PRMT3: variants seen among roughly 807,000 people sequenced by gnomAD.
PRMT3 encodes protein arginine methyltransferase 3, also known as protein arginine N-methyltransferase 3.
PRMT3 carries 62 observed loss-of-function variants against 71.9 expected under a neutral mutation model. The ratio of observed to expected loss-of-function variants is 0.86; its 90% CI spans 0.70 to 1.07. The LOEUF is 1.07. Ranked by LOEUF, PRMT3 falls within the 50% of genes least tolerant of loss-of-function variation. The pLI, the probability that PRMT3 is intolerant of heterozygous loss-of-function variation, is 0.00. For synonymous variants in PRMT3, 213 were observed against 220.4 expected, an observed-to-expected ratio of 0.97 and a Z score of 0.30; for missense variants, 663 against 643.0, an observed-to-expected ratio of 1.03 and a Z score of -0.34.
intron 9 of PRMT3, 49 bp from the exon 10 acceptor site, chr11:20,426,717 G>C (rs754108482): frequency 2.2e-6 from 3 of 1,360,084 alleles, no homozygotes; most frequent in Non-Finnish European, 2.9e-6. Context: ...AATTTAACTA[G>C]CTTTCAGAAT....
chr11:20,489,357 G>A lies in PRMT3; in HGVS notation c.1348-4562G>A, dbSNP rs945288847. On this transcript the variant is annotated intron_variant, in intron 13 of 15. Transcript: ENST00000331079. ...CTCATTGCCCCAACAAGATATATACGTGAGACAAAGGAGAAATTTCTTCTG... is the reference window on the plus strand; with the variant it reads ...CTCATTGCCCCAACAAGATATATACATGAGACAAAGGAGAAATTTCTTCTG... Among the ~76,000 whole-genome samples the A allele has an allele frequency of 6.6e-5, 10 of 152,028 alleles. No homozygotes were observed. The South Asian group carries it at 1.5e-3, about 22-fold the overall frequency.
chr11:20,504,772 C>T lies in PRMT3; in HGVS notation c.1487-3532C>T, dbSNP rs76204597. On this transcript the variant is annotated intron_variant, in intron 15 of 15. Coordinates refer to ENST00000331079, the MANE Select transcript of PRMT3 (RefSeq NM_005788.4). ...CGAGAGCGACTGAGACTCGGTCTGTCGCCCAGGCTGGAGTGCAGTGGCATG... is the reference window on the plus strand; with the variant it reads ...CGAGAGCGACTGAGACTCGGTCTGTTGCCCAGGCTGGAGTGCAGTGGCATG... Among the ~76,000 whole-genome samples, 155 of 148,740 alleles carry T rather than the reference C, an allele frequency of 1.0e-3. 4 individuals carry two copies. The East Asian group carries it at 0.028, about 27-fold the overall frequency.
At chr11:20,389,224 C>T (rs989858588) in intron 2 of PRMT3, among the ~76,000 whole-genome samples, 6 of 152,224 alleles carry the variant, frequency 3.9e-5, no homozygotes, top group African/African-American at 1.4e-4. Context: ...GATTGATCCT[C>T]ACAGTGTCTG....
chr11:20,405,774 A>G (rs909273365), intron 8 of PRMT3: 1 of 152,192 alleles, frequency 6.6e-6, no homozygotes, highest in East Asian at 1.9e-4. Flanking sequence ...ATTCCTTATT[A>G]TCTTTTTACC....
chr11:20,492,587 A>C (rs1019412554), intron 13 of PRMT3, among the ~76,000 whole-genome samples: 1 of 152,160 alleles, frequency 6.6e-6, no homozygotes, highest in African/African-American at 2.4e-5. Flanking sequence ...TAGCTTTACC[A>C]TGATTTTTCA....
At chr11:20,499,640 A>T (rs922381251) in intron 15 of PRMT3, among the ~76,000 whole-genome samples, 1 of 152,096 alleles carries the variant, frequency 6.6e-6, no homozygotes, top group African/African-American at 2.4e-5. Flanking sequence ...AAAAAATTAA[A>T]TTTTTTTAAA....
chr11:20,461,671 A>G (rs1850386021), intron 11 of PRMT3, among the ~76,000 whole-genome samples: 1 of 152,194 alleles, frequency 6.6e-6, no homozygotes, highest in Non-Finnish European at 1.5e-5. Flanking sequence ...CTTTTAAGTT[A>G]GCATACTTTA....
chr11:20,401,376 T>A (rs1270485183), intron 7 of PRMT3, among the ~76,000 whole-genome samples: 1 of 152,212 alleles, frequency 6.6e-6, no homozygotes, highest in Non-Finnish European at 1.5e-5. Context: ...AATTAGTTAA[T>A]ATATATACAT....
intron 2 of PRMT3, among the ~76,000 whole-genome samples, chr11:20,389,108 A>G (rs1848658632): frequency 6.6e-6 from 1 of 152,184 alleles, no homozygotes; most frequent in South Asian, 2.1e-4. Flanking sequence ...TTTGTGGAAA[A>G]CTAATGCTCC....
intron 5 of PRMT3, 127 bp downstream of exon 5, chr11:20,393,126 A>C: frequency 3.0e-6 from 2 of 667,286 alleles, no homozygotes; most frequent in Non-Finnish European, 5.2e-6. Context: ...TCAGGTAGTT[A>C]GTTTCAGTAG....
At chr11:20,390,974 C>G (rs1468825881) in intron 3 of PRMT3, among the ~76,000 whole-genome samples, 1 of 151,776 alleles carries the variant, frequency 6.6e-6, no homozygotes, top group Non-Finnish European at 1.5e-5. Context: ...TACTTGAACC[C>G]GGGAGGCGGA....
chr11:20,421,867 G>A (rs572794336), intron 9 of PRMT3, among the ~76,000 whole-genome samples: 2 of 152,234 alleles, frequency 1.3e-5, no homozygotes, highest in South Asian at 2.1e-4. Flanking sequence ...TAAAGTACTC[G>A]AGAATGGGGA....
chr11:20,470,188 T>C (rs1850610117), intron 13 of PRMT3, among the ~76,000 whole-genome samples: 1 of 152,174 alleles, frequency 6.6e-6, no homozygotes, highest in South Asian at 2.1e-4. Context: ...AACACAATGG[T>C]ATTTATGTAT....
chr11:20,504,707 T>TGTGAGAGAGAGAGAGAGAGAGAGAGAGA (rs1332372470), intron 15 of PRMT3, among the ~76,000 whole-genome samples: 10 of 133,644 alleles, frequency 7.5e-5, no homozygotes, highest in African/African-American at 2.7e-4. Flanking sequence ...TGTGTGTGTG[T>TGTGAGAGAGAGAGAGAGAGAGAGAGAGA]GAGAGAGAGA....
At chr11:20,409,051 C>T (rs1238935924) in intron 9 of PRMT3, among the ~76,000 whole-genome samples, 1 of 152,150 alleles carries the variant, frequency 6.6e-6, no homozygotes, top group African/African-American at 2.4e-5. Context: ...GAGCCGTGAT[C>T]ATGCCACCGC....
intron 9 of PRMT3, among the ~76,000 whole-genome samples, chr11:20,426,035 C>A (rs937764344): frequency 1.3e-5 from 2 of 152,168 alleles, no homozygotes; most frequent in African/African-American, 4.8e-5. Context: ...GTGAAAATAA[C>A]TGTTGTTTCA....
chr11:20,397,273 CAA>C (rs1293632637), intron 6 of PRMT3, among the ~76,000 whole-genome samples: 2 of 152,008 alleles, frequency 1.3e-5, no homozygotes, highest in Non-Finnish European at 2.9e-5. Context: ...GATTTTAAAA[CAA>C]TAGAAATAAT....
rs377570784 is a variant in PRMT3, at chr11:20,415,017, G to GGTGTGTGTGT, written c.893+7014_893+7023dup. ...TTTTAAAGACAGTGGTGGTGGTAGT[G>GGTGTGTGTGT]GTGTGTGTGTGTGTGTGTGTGTGTG... On this transcript the variant is annotated intron_variant, in intron 9 of 15. Transcript: ENST00000331079. Among the ~76,000 whole-genome samples, 920 of 135,390 alleles carry GGTGTGTGTGT rather than the reference G, an allele frequency of 6.8e-3. 10 individuals are homozygous for GGTGTGTGTGT. The highest frequency in any genetic ancestry group is 0.017 in the African/African-American group (655 of 38,332). 88.8% of individuals were successfully genotyped at this position (135,390 alleles called of 152,430 possible). A position where few individuals can be genotyped will look rare whatever the true frequency, so the allele number is the denominator to read the frequency against.
chr11:20,422,473 C>T (rs1289150386), intron 9 of PRMT3, among the ~76,000 whole-genome samples: 3 of 152,118 alleles, frequency 2.0e-5, no homozygotes, highest in Non-Finnish European at 2.9e-5. Context: ...CTCTTGCCAC[C>T]ATTTCCTCTC....
Sources: gnomAD v4.1 joint callset for allele counts (sites outside exome capture counted in the v4.1 genomes callset) on GRCh38, gnomAD v4.1.1 for gene constraint, MANE v1.5 for transcripts, NCBI Gene and HGNC (gene_info 2026-07-23, HGNC 2026-07-21) for gene names.